Variants in PLCE1 observed in about 807,000 individuals in gnomAD.
The protein encoded by PLCE1 is phospholipase C epsilon 1.
In PLCE1, 119 loss-of-function variants were observed where a neutral mutation model predicts 242.8. The ratio of observed to expected loss-of-function variants is 0.49; its 90% CI spans 0.42 to 0.57. The LOEUF is 0.57. Ranked by LOEUF, PLCE1 falls within the 20% of genes least tolerant of loss-of-function variation. The pLI is 0.00. For missense variants in PLCE1, 2,441 were observed against 2,788.8 expected, an observed-to-expected ratio of 0.88 and a Z score of 2.81; for synonymous variants, 945 against 1,017.4, an observed-to-expected ratio of 0.93 and a Z score of 1.35.
intron 2 of PLCE1, among the ~76,000 whole-genome samples, chr10:94,059,415 T>C (rs2043988555): frequency 6.6e-6 from 1 of 152,028 alleles, no homozygotes; most frequent in Non-Finnish European, 1.5e-5. Context: ...GGTCTGATTG[T>C]TGAGGGAGAG....
At chr10:94,242,678 G>C (rs183831828) in intron 7 of PLCE1, among the ~76,000 whole-genome samples, 1 of 152,080 alleles carries the variant, frequency 6.6e-6, no homozygotes, top group South Asian at 2.1e-4. Flanking sequence ...AGGCTGATTC[G>C]AGGACTGGGG....
chr10:94,127,608 C>CCTCAGCCTCCCGAGTAGCTGGGATTACA (rs2046472574), intron 2 of PLCE1, among the ~76,000 whole-genome samples: 1 of 152,128 alleles, frequency 6.6e-6, no homozygotes, highest in African/African-American at 2.4e-5. Flanking sequence ...AAATAATTCG[C>CCTCAGCCTCCCGAGTAGCTGGGATTACA]GGCCATTTTT....
At chr10:94,287,080 G>A (rs935079360) in intron 22 of PLCE1, 4 of 152,220 alleles carry the variant, frequency 2.6e-5, no homozygotes, top group African/African-American at 7.2e-5. Flanking sequence ...GTAGAGAATC[G>A]TGGAAGATCA....
chr10:94,201,671 G>A (rs1564784229), intron 4 of PLCE1, among the ~76,000 whole-genome samples: 1 of 152,098 alleles, frequency 6.6e-6, no homozygotes, highest in Non-Finnish European at 1.5e-5. Context: ...AGTAGAGACG[G>A]GGTTTCACTG....
intron 4 of PLCE1, among the ~76,000 whole-genome samples, chr10:94,205,504 A>G (rs918963637): frequency 1.3e-5 from 2 of 152,268 alleles, no homozygotes; most frequent in South Asian, 2.1e-4. Context: ...TCACTTAGAC[A>G]TTGCTCTACA....
At chr10:94,157,855 G>A (rs905748369) in intron 3 of PLCE1, among the ~76,000 whole-genome samples, 3 of 152,120 alleles carry the variant, frequency 2.0e-5, no homozygotes, top group African/African-American at 4.8e-5. Flanking sequence ...CTGGACTTTG[G>A]TGTTGGGCTG....
intron 2 of PLCE1, among the ~76,000 whole-genome samples, chr10:94,112,564 G>C (rs77543408): frequency 0.011 from 1,620 of 152,282 alleles, 31 homozygotes; most frequent in African/African-American, 0.037. Context: ...ATTGGAACAA[G>C]AGTTCCCAAC....
intron 29 of PLCE1, among the ~76,000 whole-genome samples, chr10:94,321,239 T>C (rs1482705610): frequency 6.6e-6 from 1 of 152,250 alleles, no homozygotes; most frequent in Non-Finnish European, 1.5e-5. Flanking sequence ...GTGAGCTTTC[T>C]TTTAAATACA....
chr10:94,032,969 A>T (rs752855764), intron 2 of PLCE1, among the ~76,000 whole-genome samples: 2 of 152,164 alleles, frequency 1.3e-5, no homozygotes. Flanking sequence ...TTTGTAAGAA[A>T]CAAAAAATAA....
At chr10:94,240,913 T>G (rs1417785084) in intron 7 of PLCE1, among the ~76,000 whole-genome samples, 1 of 152,218 alleles carries the variant, frequency 6.6e-6, no homozygotes, top group Non-Finnish European at 1.5e-5. Flanking sequence ...ATTTAGTTCC[T>G]AAATAAGTCT....
chr10:94,151,202 C>T (rs546460346), intron 3 of PLCE1, among the ~76,000 whole-genome samples: 2 of 152,208 alleles, frequency 1.3e-5, no homozygotes, highest in African/African-American at 4.8e-5. Context: ...AATCATCTCT[C>T]ACAAGGCCAA....
chr10:94,268,342 C>A (rs2051588775), intron 16 of PLCE1, among the ~76,000 whole-genome samples: 1 of 152,202 alleles, frequency 6.6e-6, no homozygotes. Context: ...TATTTGCCAT[C>A]CCTGCTCTAG....
chr10:94,059,408 C>T (rs897703435), intron 2 of PLCE1, among the ~76,000 whole-genome samples: 1 of 152,062 alleles, frequency 6.6e-6, no homozygotes, highest in Non-Finnish European at 1.5e-5. Flanking sequence ...CTCATAAGGT[C>T]TGATTGTTGA....
In PLCE1 at chr10:94,310,679, G is replaced by A. The variant is rs527935479; in HGVS notation, c.6003+1980G>A. 2.6e-5 allele frequency among the ~76,000 whole-genome samples: 4 copies of A among 152,228 alleles called. No individual in the cohort carries two copies. The South Asian group carries it at 6.2e-4, about 24-fold the overall frequency. ...ACCCAATTCTGAGCTGGGTGACCTC[G>A]ATATCTGTTACAGCTGAAGATTCCA... On this transcript the variant is annotated intron_variant, in intron 27 of 32. Coordinates refer to ENST00000371380, the MANE Select transcript of PLCE1 (RefSeq NM_016341.4).
intron 4 of PLCE1, among the ~76,000 whole-genome samples, chr10:94,194,252 G>T (rs374423791): frequency 1.3e-4 from 20 of 152,096 alleles, no homozygotes; most frequent in South Asian, 6.2e-4. Flanking sequence ...CATCCTTTTC[G>T]TGGGGAATTA....
intron 1 of PLCE1, among the ~76,000 whole-genome samples, chr10:94,003,806 T>TGTTA (rs2060981033): frequency 6.6e-6 from 1 of 152,120 alleles, no homozygotes; most frequent in Admixed American, 6.6e-5. Flanking sequence ...AAATCAAGGG[T>TGTTA]AGCCTCTAAA....
chr10:94,325,109 A>C lies in PLCE1; in HGVS notation c.*24+5A>C. The C allele has an allele frequency of 6.3e-7, 1 of 1,593,866 alleles. No individual in the cohort carries two copies. The highest frequency in any genetic ancestry group is 8.6e-7 in the Non-Finnish European group (1 of 1,161,678). On this transcript the variant is annotated splice_donor_5th_base_variant and intron_variant, in intron 32 of 32. Coordinates refer to ENST00000371380, the MANE Select transcript of PLCE1 (RefSeq NM_016341.4). ...AGGGCAGCATGTTTAACCCAGGTAT[A>C]GTAAGTCATTGCACCATCCTGGAAC...
chr10:94,300,768 CAG>C (rs1195659312), intron 24 of PLCE1, among the ~76,000 whole-genome samples: 15 of 152,148 alleles, frequency 9.9e-5, no homozygotes. Flanking sequence ...CAAATTCAAA[CAG>C]ATAGATAAGG....
intron 8 of PLCE1, among the ~76,000 whole-genome samples, chr10:94,251,328 C>T (rs138645968): frequency 6.6e-5 from 10 of 152,284 alleles, no homozygotes; most frequent in Admixed American, 6.5e-4. Context: ...AGTTATTAAA[C>T]ATTAGGCTGA....
Sources: allele counts gnomAD v4.1 joint callset (sites outside exome capture counted in the v4.1 genomes callset), GRCh38; gene constraint gnomAD v4.1.1; transcripts MANE v1.5; gene names NCBI Gene and HGNC (gene_info 2026-07-23, HGNC 2026-07-21).